The following PLCB1 variants were observed in gnomAD, a reference collection of about 807,000 sequenced individuals.
PLCB1 encodes the protein 1-phosphatidylinositol 4,5-bisphosphate phosphodiesterase beta-1.
A neutral mutation model predicts 161.8 loss-of-function variants in PLCB1; 46 were observed. That is an observed-to-expected ratio of 0.28 (90% CI 0.22 to 0.36). The LOEUF (loss-of-function observed/expected upper bound fraction) is 0.36, where lower values mean the gene tolerates loss of function less well. PLCB1 is among the 10% of genes least tolerant of loss of function. PLCB1 has a pLI of 1.00. For synonymous variants in PLCB1, 517 were observed against 503.7 expected, an observed-to-expected ratio of 1.03 and a Z score of -0.35; for missense variants, 1,016 against 1,472.5, an observed-to-expected ratio of 0.69 and a Z score of 5.07.
rs112503966 is a variant in PLCB1, at chr20:8,760,067, C to T, written c.2657-340C>T. 1.5e-3 allele frequency among the ~76,000 whole-genome samples: 235 copies of T among 151,738 alleles called. 1 individual carries two copies. Among genetic ancestry groups the T allele is most frequent in the Non-Finnish European group, 2.7e-3 (181 of 67,884 alleles). On this transcript the variant is annotated intron_variant, in intron 24 of 31. Transcript: ENST00000338037. Reference sequence around the variant, plus strand: ...ATTACAAGTACCCGCCACCATGCTCCGCTAATTTTTGTATTTTTAGTAGAG... The same window carrying T: ...ATTACAAGTACCCGCCACCATGCTCTGCTAATTTTTGTATTTTTAGTAGAG...
At chr20:8,870,067 T>C (rs57404811) in intron 31 of PLCB1, among the ~76,000 whole-genome samples, 7,433 of 152,266 alleles carry the variant, frequency 0.049, 297 homozygotes, top group African/African-American at 0.11. Flanking sequence ...GACCACATCA[T>C]CTTCAAGGAA....
intron 3 of PLCB1, among the ~76,000 whole-genome samples, chr20:8,611,605 G>A (rs926288450): frequency 2.1e-4 from 32 of 152,022 alleles, no homozygotes; most frequent in Admixed American, 3.3e-4. Flanking sequence ...TTCTTTATAA[G>A]GACTAGGATA....
chr20:8,726,078 C>G (rs1979917567), intron 16 of PLCB1, among the ~76,000 whole-genome samples: 3 of 151,994 alleles, frequency 2.0e-5, no homozygotes, highest in African/African-American at 7.2e-5. Flanking sequence ...GATGACGAAG[C>G]CTGGAAATCA....
chr20:8,214,307 G>A (rs556701240), intron 2 of PLCB1, among the ~76,000 whole-genome samples: 291 of 152,248 alleles, frequency 1.9e-3, no homozygotes, highest in Middle Eastern at 3.4e-3. Context: ...TCTCATGAAT[G>A]GTTTAGCGCC....
intron 9 of PLCB1, among the ~76,000 whole-genome samples, chr20:8,666,320 T>G (rs2123348197): frequency 6.6e-6 from 1 of 152,278 alleles, no homozygotes; most frequent in South Asian, 2.1e-4. Flanking sequence ...TCAGATCCTG[T>G]TTTTGGAAGA....
chr20:8,539,541 T>C (rs191075891), intron 3 of PLCB1, among the ~76,000 whole-genome samples: 83 of 152,346 alleles, frequency 5.4e-4, no homozygotes, highest in African/African-American at 1.8e-3. Context: ...CACCTGACTT[T>C]ACTGTTATAC....
intron 23 of PLCB1, 57 bp from the exon 24 acceptor site, chr20:8,756,989 A>G (rs1481746668): frequency 4.7e-6 from 7 of 1,492,140 alleles, no homozygotes; most frequent in Non-Finnish European, 6.3e-6. Flanking sequence ...TTGGTTTAGG[A>G]AGGCAAGAAA....
chr20:8,523,486 C>CCA lies in PLCB1; in HGVS notation c.247-104808_247-104807insCA, dbSNP rs1341360626. The stretch of plus-strand genomic sequence containing the variant: ...TTTGGCTCTCTCTCTCTCTCTCTCT[C>CCA]TCTCTCTCTCTATATATATATATAT... On this transcript the variant is annotated intron_variant, in intron 3 of 31. Transcript: ENST00000338037. Among the ~76,000 whole-genome samples, 3 of 61,172 alleles carry CCA rather than the reference C, an allele frequency of 4.9e-5. 1 individual carries two copies. The highest frequency in any genetic ancestry group is 2.7e-4 in the African/African-American group (3 of 11,074). The allele number at this position is 61,172 out of a possible 152,430, so 40.1% of individuals were successfully genotyped here. A position where few individuals can be genotyped will look rare whatever the true frequency, so the allele number is the denominator to read the frequency against.
At chr20:8,208,380 TG>T (rs1386265843) in intron 2 of PLCB1, among the ~76,000 whole-genome samples, 1 of 152,104 alleles carries the variant, frequency 6.6e-6, no homozygotes, top group Non-Finnish European at 1.5e-5. Context: ...ACACAACCTT[TG>T]AGAAGGGCTG....
chr20:8,448,592 C>T (rs994026295), intron 3 of PLCB1, among the ~76,000 whole-genome samples: 5 of 152,142 alleles, frequency 3.3e-5, no homozygotes, highest in Non-Finnish European at 7.4e-5. Flanking sequence ...CACCAGGGTT[C>T]CTTTTGGGAC....
At chr20:8,609,538 T>C (rs1987846544) in intron 3 of PLCB1, among the ~76,000 whole-genome samples, 1 of 152,200 alleles carries the variant, frequency 6.6e-6, no homozygotes, top group Non-Finnish European at 1.5e-5. Context: ...CCATCTTTTT[T>C]CTCTTCAATT....
chr20:8,676,121 A>C (rs955247968), intron 9 of PLCB1, among the ~76,000 whole-genome samples: 3 of 152,248 alleles, frequency 2.0e-5, no homozygotes, highest in Non-Finnish European at 2.9e-5. Flanking sequence ...TGCGATGCCA[A>C]CACTTTGGGA....
At chr20:8,560,751 A>G (rs1175634655) in intron 3 of PLCB1, among the ~76,000 whole-genome samples, 1 of 152,014 alleles carries the variant, frequency 6.6e-6, no homozygotes, top group Non-Finnish European at 1.5e-5. Context: ...TATGTCTATT[A>G]TAATCATACA....
chr20:8,548,471 A>G (rs1432785610), intron 3 of PLCB1, among the ~76,000 whole-genome samples: 1 of 106,032 alleles, frequency 9.4e-6, no homozygotes, highest in African/African-American at 4.0e-5. Context: ...CTTTCTTTCC[A>G]TCATCTATCT....
chr20:8,527,331 A>G (rs1337491293), intron 3 of PLCB1, among the ~76,000 whole-genome samples: 2 of 152,122 alleles, frequency 1.3e-5, no homozygotes, highest in Non-Finnish European at 2.9e-5. Flanking sequence ...ATCAATATCA[A>G]AAATTAAGAT....
rs146070605 is a variant in PLCB1, at chr20:8,224,721, C to G, written c.177+74350C>G. ...AACAACCTCATAACCATTGCCTGAT[C>G]AAGAAATAAGACATTTCTGGCACCA... On this transcript the variant is annotated intron_variant, in intron 2 of 31. Coordinates refer to ENST00000338037, the MANE Select transcript of PLCB1 (RefSeq NM_015192.4). Among the ~76,000 whole-genome samples the G allele has an allele frequency of 3.0e-3, 456 of 152,206 alleles. 6 individuals carry two copies. Among genetic ancestry groups the G allele is most frequent in the African/African-American group, 0.01 (420 of 41,530 alleles).
intron 3 of PLCB1, among the ~76,000 whole-genome samples, chr20:8,511,256 T>C (rs550174495): frequency 7.9e-5 from 12 of 152,312 alleles, no homozygotes; most frequent in Non-Finnish European, 7.4e-5. Flanking sequence ...TCATTTCACT[T>C]AGCGTAACTT....
chr20:8,147,612 G>A (rs551315505), intron 1 of PLCB1, among the ~76,000 whole-genome samples: 16 of 152,144 alleles, frequency 1.1e-4, no homozygotes, highest in Non-Finnish European at 2.1e-4. Context: ...TATATTTCTG[G>A]GTCAGATCCT....
chr20:8,525,522 A>G (rs1245951410), intron 3 of PLCB1, among the ~76,000 whole-genome samples: 1 of 152,174 alleles, frequency 6.6e-6, no homozygotes, highest in East Asian at 1.9e-4. Flanking sequence ...AGGGGACACA[A>G]TTTACTTAAA....
Sources: allele counts gnomAD v4.1 joint callset (sites outside exome capture counted in the v4.1 genomes callset), GRCh38; gene constraint gnomAD v4.1.1; transcripts MANE v1.5; gene names NCBI Gene and HGNC (gene_info 2026-07-23, HGNC 2026-07-21).